Variants in ZNF362 observed in about 807,000 individuals in gnomAD.
ZNF362 encodes the protein zinc finger protein 362, also known as rotund homolog.
Under a neutral mutation model 42.9 loss-of-function variants are expected in ZNF362, and 11 were observed. That is an observed-to-expected ratio of 0.26 (90% confidence interval 0.16 to 0.42). The LOEUF (loss-of-function observed/expected upper bound fraction) is 0.42, where lower values mean the gene tolerates loss of function less well. Among genes scored for constraint, ZNF362 ranks in the 20% least tolerant of loss-of-function variants. The probability of loss-of-function intolerance (pLI) is 1.00; values close to 1 mark genes in which losing one functional copy is unlikely to be tolerated. For synonymous variants in ZNF362, 255 were observed against 257.3 expected (o/e 0.99, Z 0.09); for missense variants, 362 against 576.2 (o/e 0.63, Z 3.81).
the ZNF362 span, among the ~76,000 whole-genome samples, chr1:33,184,243 A>G: frequency 2.0e-5 from 3 of 152,164 alleles, no homozygotes; most frequent in African/African-American, 7.2e-5. Flanking sequence ...TCTCACATAT[A>G]TTATTGGATT....
chr1:33,154,041 G>C, the ZNF362 span, among the ~76,000 whole-genome samples: 1 of 152,238 alleles, frequency 6.6e-6, no homozygotes, highest in African/African-American at 2.4e-5. Flanking sequence ...GCCAAGGAGA[G>C]TAAGAGTTGG....
intron 6 of ZNF362, among the ~76,000 whole-genome samples, chr1:33,291,554 T>C (rs2148132058): frequency 6.6e-6 from 1 of 152,352 alleles, no homozygotes; most frequent in South Asian, 2.1e-4. Flanking sequence ...GCAGGCTCTT[T>C]TTTGGTTCCA....
At chr1:33,282,669 A>G (rs1646004095) in intron 6 of ZNF362, among the ~76,000 whole-genome samples, 1 of 152,056 alleles carries the variant, frequency 6.6e-6, no homozygotes, top group South Asian at 2.1e-4. Flanking sequence ...TAAAAATACA[A>G]AAATTAGCTG....
the ZNF362 span, among the ~76,000 whole-genome samples, chr1:33,182,600 T>TTGTGTGTGTGTGTG: frequency 5.4e-4 from 80 of 147,086 alleles, no homozygotes; most frequent in African/African-American, 2.0e-3. Flanking sequence ...AGTGCTGTAT[T>TTGTGTGTGTGTGTG]TGTGTGTGTG....
intron 6 of ZNF362, among the ~76,000 whole-genome samples, chr1:33,286,954 C>T (rs1646037267): frequency 6.6e-6 from 1 of 152,148 alleles, no homozygotes; most frequent in Non-Finnish European, 1.5e-5. Context: ...GCAAGATCCA[C>T]CCTGGGAGTT....
chr1:33,258,614 G>A (rs1645809555), intron 1 of ZNF362, among the ~76,000 whole-genome samples: 1 of 152,094 alleles, frequency 6.6e-6, no homozygotes, highest in Non-Finnish European at 1.5e-5. Flanking sequence ...GGGTGTTCAG[G>A]CTTCCACTGC....
rs1646105743 is a variant in ZNF362, at chr1:33,294,829, G to A, written c.909-108G>A. 1.2e-5 allele frequency: 15 copies of A among 1,211,600 alleles called. No homozygotes were observed. The South Asian group carries it at 2.0e-4, about 16-fold the overall frequency. The allele number at this position is 1,211,600 out of a possible 1,614,324, so 75.1% of individuals were successfully genotyped here. A position where few individuals can be genotyped will look rare whatever the true frequency, so the allele number is the denominator to read the frequency against. On this transcript the variant is annotated intron_variant, in intron 6 of 8. Coordinates refer to ENST00000539719, the MANE Select transcript of ZNF362 (RefSeq NM_152493.3). This position sits in a 1 kb window ranked among gnomAD's most constrained non-coding sequence, Gnocchi z 4.2. ...TCACTCTTGGTCCTTGGGGAGCATG[G>A]GCAGGGTAGGGACCGAGAGGCTTAG...
intron 6 of ZNF362, among the ~76,000 whole-genome samples, chr1:33,290,423 A>G (rs1246404247): frequency 6.6e-6 from 1 of 151,906 alleles, no homozygotes; most frequent in Non-Finnish European, 1.5e-5. Flanking sequence ...ATAGTATTCC[A>G]TGGTGTATAT....
chr1:33,297,045 TC>T (rs1156639375), intron 8 of ZNF362, among the ~76,000 whole-genome samples: 3 of 152,276 alleles, frequency 2.0e-5, no homozygotes, highest in East Asian at 3.9e-4. Context: ...GCAGTACTTG[TC>T]AGGTGCCGGG....
chr1:33,259,361 G>T (rs371853570), intron 1 of ZNF362, among the ~76,000 whole-genome samples: 4 of 152,340 alleles, frequency 2.6e-5, no homozygotes, highest in African/African-American at 7.2e-5. Context: ...GCAGTCTTGG[G>T]GGGTGGAGGC....
the ZNF362 span, among the ~76,000 whole-genome samples, chr1:33,169,312 C>T: frequency 1.3e-5 from 2 of 152,182 alleles, no homozygotes; most frequent in African/African-American, 4.8e-5. Context: ...TGAGAGTCAT[C>T]CTTGATTCCT....
At chr1:33,202,516 TG>T in the ZNF362 span, among the ~76,000 whole-genome samples, 4 of 150,438 alleles carry the variant, frequency 2.7e-5, no homozygotes, top group African/African-American at 9.8e-5. Context: ...GAGAATGACG[TG>T]AACCCGGGAG....
At chr1:33,134,625 G>A in the ZNF362 span, among the ~76,000 whole-genome samples, 4 of 152,152 alleles carry the variant, frequency 2.6e-5, no homozygotes, top group Admixed American at 2.0e-4. Flanking sequence ...CACAGATAGT[G>A]AGCTCCCTGG....
In ZNF362 at chr1:33,294,908, C is replaced by T; in HGVS notation, c.909-29C>T. The T allele has an allele frequency of 1.2e-6, 2 of 1,613,780 alleles. No individual in the cohort carries two copies. Among genetic ancestry groups the T allele is most frequent in the Non-Finnish European group, 1.7e-6 (2 of 1,179,754 alleles). On this transcript the variant is annotated intron_variant, in intron 6 of 8. Transcript: ENST00000539719. This position sits in a 1 kb window ranked among gnomAD's most constrained non-coding sequence, Gnocchi z 4.2. ...GCGGTCTTGGGGTGTGTGTCAGGGA[C>T]TTCGACCTTACTGGGCTGCCCATTA...
At chr1:33,272,076 A>T (rs1645908596) in intron 2 of ZNF362, among the ~76,000 whole-genome samples, 1 of 152,146 alleles carries the variant, frequency 6.6e-6, no homozygotes, top group South Asian at 2.1e-4. Context: ...GAGGAGCTGA[A>T]TTGGTGGGGA....
rs188805671 is a variant in ZNF362 at position 33,263,638 on chromosome 1, T to G, written c.-88-6849T>G. ...GTTGGTCAGGCTGGTCTCAAACTCC[T>G]GACCTCAGGTGATCCACCCACTTTG... On this transcript the variant is annotated intron_variant, in intron 1 of 8. Coordinates refer to ENST00000539719, the MANE Select transcript of ZNF362 (RefSeq NM_152493.3). Among the ~76,000 whole-genome samples the G allele has an allele frequency of 7.3e-4, 111 of 152,294 alleles. 1 individual carries two copies. The East Asian group carries it at 0.018, about 24-fold the overall frequency.
upstream of ZNF362, among the ~76,000 whole-genome samples, chr1:33,251,588 T>C (rs895360217): frequency 1.3e-5 from 2 of 152,182 alleles, no homozygotes; most frequent in Admixed American, 1.3e-4. Context: ...TCCTTTACCC[T>C]TAAGATAAAA....
the ZNF362 span, chr1:33,142,615 C>T: frequency 2.0e-5 from 3 of 152,234 alleles, no homozygotes; most frequent in African/African-American, 7.2e-5. Context: ...CCACCTCTGA[C>T]CCTGGGAGAA....
chr1:33,294,799 TG>T lies in ZNF362; in HGVS notation c.909-135del. ...GCCGTTGAAGTCCCCAGCTCTTGCC[TG>T]GGCTCACTCTTGGTCCTTGGGGAGC... On this transcript the variant is annotated intron_variant, in intron 6 of 8. Transcript: ENST00000539719. The surrounding 1 kb of genome is among the most constrained non-coding windows in gnomAD (Gnocchi z 4.2). 2.3e-6 allele frequency: 2 copies of T among 879,094 alleles called. No individual in the cohort carries two copies. The highest frequency in any genetic ancestry group is 3.6e-6 in the Non-Finnish European group (2 of 555,206). The allele number at this position is 879,094 out of a possible 1,614,324, so 54.5% of individuals were successfully genotyped here.
Sources: gnomAD v4.1 joint callset for allele counts (sites outside exome capture counted in the v4.1 genomes callset) on GRCh38, gnomAD v4.1.1 for gene constraint, Gnocchi (gnomAD v3.1) non-coding constraint, MANE v1.5 for transcripts, NCBI Gene and HGNC (gene_info 2026-07-23, HGNC 2026-07-21) for gene names.